Variants in CFAP251 observed in about 807,000 individuals in gnomAD.
The protein encoded by CFAP251 is cilia and flagella associated protein 251, also known as cilia- and flagella-associated protein 251.
A neutral mutation model predicts 126.7 loss-of-function variants in CFAP251; 93 were observed. The observed-to-expected ratio is 0.73, with a 90% CI of 0.62 to 0.87. The LOEUF (loss-of-function observed/expected upper bound fraction) is 0.87. Ranked by LOEUF, CFAP251 falls within the 40% of genes least tolerant of loss-of-function variation. The probability of loss-of-function intolerance (pLI) is 0.00; values close to 1 mark genes in which losing one functional copy is unlikely to be tolerated. For missense variants in CFAP251, 1,287 were observed against 1,389.2 expected (o/e 0.93, Z 1.17); for synonymous variants, 503 against 506.9 (o/e 0.99, Z 0.10).
At chr12:121,952,434 A>C (rs1160246193) in intron 9 of CFAP251, among the ~76,000 whole-genome samples, 1 of 151,014 alleles carries the variant, frequency 6.6e-6, no homozygotes, top group Non-Finnish European at 1.5e-5. Flanking sequence ...AAAAAAAAAA[A>C]TGAATGAAAC....
Position 121,921,638 on chromosome 12 carries a change from G to C in CFAP251, c.333G>C (p.Glu111Asp), listed in dbSNP as rs371102905. ...TCACAGCGTCCATGATCCGTTTGGAGACACAGATTACTGATTCCCAGTCAA... is the reference window on the plus strand; with the variant it reads ...TCACAGCGTCCATGATCCGTTTGGACACACAGATTACTGATTCCCAGTCAA... The part of the protein sequence containing the change: ...QEVTASMIRL[E>D]TQITDSQSIT... Residue 111 changes from glutamate (E) to aspartate (D), a missense_variant, in exon 2 of 22, where the codon GAG (glutamate) becomes GAC (aspartate). Coordinates refer to ENST00000288912, the MANE Select transcript of CFAP251 (RefSeq NM_144668.6). 1.2e-6 allele frequency: 2 copies of C among 1,612,120 alleles called. No individual in the cohort carries two copies. The highest frequency in any genetic ancestry group is 1.7e-6 in the Non-Finnish European group (2 of 1,179,456).
In CFAP251 at chr12:121,923,744, G is replaced by A; in HGVS notation, c.501G>A (p.Glu167=). 6.2e-7 allele frequency: 1 copy of A among 1,614,144 alleles called. No homozygotes were observed. The highest frequency in any genetic ancestry group is 1.3e-5 in the African/African-American group (1 of 75,026). Residue 167 remains glutamate, a synonymous_variant, in exon 3 of 22, where the codon GAG becomes GAA. Transcript: ENST00000288912. ...EFLDLDQISP[E]EQQISSPERQ... is the part of the protein sequence containing the mutation. Reference sequence around the variant, plus strand: ...TTGATTTGGATCAAATCAGTCCTGAGGAACAACAGATTAGTTCCCCTGAAA... The same window carrying A: ...TTGATTTGGATCAAATCAGTCCTGAAGAACAACAGATTAGTTCCCCTGAAA...
At chr12:121,926,608 G>C (rs1348213690) in intron 3 of CFAP251, among the ~76,000 whole-genome samples, 1 of 152,150 alleles carries the variant, frequency 6.6e-6, no homozygotes, top group South Asian at 2.1e-4. Flanking sequence ...GATTATAGGT[G>C]TGAGCTACCG....
intron 21 of CFAP251, among the ~76,000 whole-genome samples, chr12:122,002,657 C>T (rs781547935): frequency 5.9e-5 from 9 of 152,206 alleles, no homozygotes; most frequent in Non-Finnish European, 7.3e-5. Context: ...AGATCATCCT[C>T]CTGTCCCTTC....
At chr12:121,967,355 A>G (rs1460748339) in intron 16 of CFAP251, among the ~76,000 whole-genome samples, 1 of 152,242 alleles carries the variant, frequency 6.6e-6, no homozygotes, top group East Asian at 1.9e-4. Context: ...TCTTGTAAAA[A>G]TATGCAAATT....
At chr12:121,986,211 C>T (rs1049517310) in intron 19 of CFAP251, among the ~76,000 whole-genome samples, 10 of 151,936 alleles carry the variant, frequency 6.6e-5, no homozygotes, top group South Asian at 2.1e-4. Flanking sequence ...AGGCTGGTCT[C>T]GAACTCCTCA....
chr12:121,991,906 T>C (rs751874325), intron 19 of CFAP251, among the ~76,000 whole-genome samples: 3 of 151,832 alleles, frequency 2.0e-5, no homozygotes, highest in Non-Finnish European at 4.4e-5. Flanking sequence ...GGCAGGAGAA[T>C]TGGTTGGACT....
At chr12:121,968,780 G>A (rs1882236862) in intron 17 of CFAP251, 1 of 503,148 alleles carries the variant, frequency 2.0e-6, no homozygotes, top group Admixed American at 6.4e-5. Flanking sequence ...AGGAACTTCT[G>A]TAGGATCCCT....
intron 3 of CFAP251, among the ~76,000 whole-genome samples, chr12:121,928,657 CGTATATATATACGT>C: frequency 4.8e-5 from 1 of 20,626 alleles, no homozygotes; most frequent in Non-Finnish European, 2.7e-4. Flanking sequence ...TATATATATA[CGTATATATATACGT>C]ATATATATAT....
intron 7 of CFAP251, among the ~76,000 whole-genome samples, chr12:121,943,322 AAAAC>A (rs1881200147): frequency 6.6e-6 from 1 of 152,206 alleles, no homozygotes; most frequent in Non-Finnish European, 1.5e-5. Flanking sequence ...CAAAAAAACA[AAAAC>A]AAAGTTCTAC....
chr12:122,000,879 T>C (rs922702558), intron 20 of CFAP251, among the ~76,000 whole-genome samples: 7 of 151,692 alleles, frequency 4.6e-5, no homozygotes, highest in Admixed American at 1.3e-4. Context: ...ACCATGGGAC[T>C]CTAGATCATT....
At chr12:121,992,145 C>T in intron 19 of CFAP251, 13 of 952,186 alleles carry the variant, frequency 1.4e-5, no homozygotes, top group Non-Finnish European at 1.6e-5. Flanking sequence ...CTGGGCCGCT[C>T]AGCTAGGACT....
intron 9 of CFAP251, among the ~76,000 whole-genome samples, chr12:121,952,312 C>T (rs913412801): frequency 2.1e-5 from 3 of 144,058 alleles, no homozygotes; most frequent in East Asian, 2.1e-4. Flanking sequence ...CCCAGCTACT[C>T]GGGAGGCTGA....
Position 121,975,600 on chromosome 12 carries a change from A to C in CFAP251, c.2921A>C (p.Glu974Ala), listed in dbSNP as rs1882437737. 4 of 1,605,162 alleles carry C rather than the reference A, an allele frequency of 2.5e-6. No homozygotes were observed. Among genetic ancestry groups the C allele is most frequent in the Admixed American group, 1.8e-5 (1 of 56,856 alleles). The change falls in exon 19 of 22, where the codon GAG (glutamate) becomes GCG (alanine). Residue 974 changes from glutamate to alanine, a missense_variant. Transcript: ENST00000288912. ...CGCAGTCAAGGCATCGACACAATGG[A>C]GACCAGAAAGGTGTCAGAACACATT... is the stretch of plus-strand genomic sequence containing the variant. ...QLRSQGIDTM[E>A]TRKVSEHICL...
At chr12:121,954,762 G>A (rs572071360) in intron 10 of CFAP251, among the ~76,000 whole-genome samples, 1 of 146,856 alleles carries the variant, frequency 6.8e-6, no homozygotes, top group South Asian at 2.2e-4. Context: ...CTGAGGAAAA[G>A]AACTGAGAAC....
intron 7 of CFAP251, chr12:121,948,219 C>T (rs908631559): frequency 1.3e-5 from 2 of 152,182 alleles, no homozygotes; most frequent in African/African-American, 4.8e-5. Flanking sequence ...TGCTATTCAC[C>T]ATCTTGGCAG....
chr12:121,924,315 A>C (rs971131827), intron 3 of CFAP251, among the ~76,000 whole-genome samples: 5 of 150,738 alleles, frequency 3.3e-5, no homozygotes, highest in Non-Finnish European at 1.5e-5. Flanking sequence ...TCGCCACGCC[A>C]TGTTGGCCAG....
rs1324417331 is a variant in CFAP251 at position 121,962,172 on chromosome 12, CG to C, written c.2492+12del. Reference sequence around the variant, plus strand: ...CTACCAAAATGTGCAGGTAAGCACCCGGAGCTTCCCATTGCAGGGGGCGTGG... The same window carrying C: ...CTACCAAAATGTGCAGGTAAGCACCCGAGCTTCCCATTGCAGGGGGCGTGG... On this transcript the variant is annotated intron_variant, in intron 15 of 21. Transcript: ENST00000288912. The C allele has an allele frequency of 5.6e-6, 9 of 1,610,392 alleles. No individual in the cohort carries two copies. Among genetic ancestry groups the C allele is most frequent in the Non-Finnish European group, 7.6e-6 (9 of 1,178,654 alleles).
intron 13 of CFAP251, among the ~76,000 whole-genome samples, chr12:121,959,949 C>A (rs10840636): frequency 0.64 from 93,142 of 144,824 alleles, 33,845 homozygotes; most frequent in Non-Finnish European, 0.83. Context: ...CATGGTGAGA[C>A]ACCCCCCATC....
Sources: gnomAD v4.1 joint callset for allele counts (sites outside exome capture counted in the v4.1 genomes callset) on GRCh38, gnomAD v4.1.1 for gene constraint, MANE v1.5 for transcripts, NCBI Gene and HGNC (gene_info 2026-07-23, HGNC 2026-07-21) for gene names.